Variants in CNIH3 observed in about 807,000 individuals in gnomAD.
The protein encoded by CNIH3 is cornichon family AMPA receptor auxiliary protein 3, also known as protein cornichon homolog 3.
Under a neutral mutation model 24.1 loss-of-function variants are expected in CNIH3, and 14 were observed. That is an observed-to-expected ratio of 0.58 (90% confidence interval 0.38 to 0.91). The LOEUF is 0.91. CNIH3 is among the 40% of genes least tolerant of loss of function. The probability of loss-of-function intolerance (pLI) is 0.00; values close to 1 mark genes in which losing one functional copy is unlikely to be tolerated. For missense variants in CNIH3, 178 were observed against 196.8 expected (o/e 0.90, Z 0.57); for synonymous variants, 68 against 73.8 (o/e 0.92, Z 0.40).
chr1:224,671,155 A>G (rs999644713), intron 1 of CNIH3, among the ~76,000 whole-genome samples: 9 of 152,202 alleles, frequency 5.9e-5, no homozygotes, highest in South Asian at 2.1e-4. Flanking sequence ...GCATAAGCCA[A>G]TTCCTTAAAA....
At chr1:224,531,282 A>C (rs1440570242) in intron 2 of CNIH3, among the ~76,000 whole-genome samples, 1 of 152,148 alleles carries the variant, frequency 6.6e-6, no homozygotes, top group Admixed American at 6.5e-5. Context: ...TGCCCTCATG[A>C]AGCCTGGAAC....
chr1:224,733,997 C>A (rs1196068405), intron 4 of CNIH3, among the ~76,000 whole-genome samples: 1 of 152,226 alleles, frequency 6.6e-6, no homozygotes, highest in Non-Finnish European at 1.5e-5. Context: ...TCTTTCCCAC[C>A]TACGTTCTTT....
At chr1:224,572,173 G>A (rs911858548) in intron 4 of CNIH3, among the ~76,000 whole-genome samples, 3 of 152,152 alleles carry the variant, frequency 2.0e-5, no homozygotes, top group East Asian at 1.9e-4. Flanking sequence ...CTTCTGGTAT[G>A]AGGAAGTCCA....
chr1:224,587,663 G>T (rs1681567240), intron 5 of CNIH3, among the ~76,000 whole-genome samples: 1 of 152,166 alleles, frequency 6.6e-6, no homozygotes, highest in African/African-American at 2.4e-5. Context: ...CACAGGCCGG[G>T]CATAGTGGCT....
chr1:224,467,961 A>G (rs1487502542), intron 1 of CNIH3, among the ~76,000 whole-genome samples: 1 of 150,784 alleles, frequency 6.6e-6, no homozygotes, highest in Non-Finnish European at 1.5e-5. Flanking sequence ...CCTCTATTAA[A>G]TCATGTTTGT....
chr1:224,670,761 C>T (rs1685825650), intron 1 of CNIH3, among the ~76,000 whole-genome samples: 1 of 152,216 alleles, frequency 6.6e-6, no homozygotes, highest in Admixed American at 6.5e-5. Context: ...GCCATTTTCC[C>T]ACCAAGCCCC....
rs943221090 is a variant in CNIH3, at chr1:224,461,829, C to G, written n.203+26967C>G. 3.2e-4 allele frequency among the ~76,000 whole-genome samples: 49 copies of G among 152,172 alleles called. 1 individual carries two copies. Among genetic ancestry groups the G allele is most frequent in the Non-Finnish European group, 1.2e-4 (8 of 68,030 alleles). On this transcript the variant is annotated intron_variant and non_coding_transcript_variant, in intron 1 of 5. Transcript: ENST00000471578. ...CTCCTCCATATGCCTCAGTTGTAGG[C>G]CACTAATCATGTACTTTCTTTTTCT...
chr1:224,583,997 A>G (rs1681387176), intron 5 of CNIH3, among the ~76,000 whole-genome samples: 1 of 152,216 alleles, frequency 6.6e-6, no homozygotes, highest in Non-Finnish European at 1.5e-5. Context: ...TAGCATAGCT[A>G]AGTTCTGCAA....
intron 1 of CNIH3, among the ~76,000 whole-genome samples, chr1:224,503,698 C>A (rs566265323): frequency 6.6e-6 from 1 of 152,252 alleles, no homozygotes; most frequent in African/African-American, 2.4e-5. Context: ...GGTCCTCCCC[C>A]AGGAGAGGCA....
intron 1 of CNIH3, among the ~76,000 whole-genome samples, chr1:224,461,050 T>C (rs1675891809): frequency 6.6e-6 from 1 of 151,662 alleles, no homozygotes; most frequent in Non-Finnish European, 1.5e-5. Context: ...TCACCCAGCC[T>C]GGAGTGCAGT....
chr1:224,699,392 G>A (rs535946062), intron 3 of CNIH3, among the ~76,000 whole-genome samples: 178 of 152,360 alleles, frequency 1.2e-3, no homozygotes, highest in Non-Finnish European at 1.8e-3. Context: ...GCAGCTGAAT[G>A]TCAGCCAGGG....
intron 3 of CNIH3, among the ~76,000 whole-genome samples, chr1:224,701,197 C>CTT (rs758489061): frequency 9.0e-4 from 120 of 133,528 alleles, no homozygotes; most frequent in African/African-American, 3.1e-3. Flanking sequence ...GGCTCGGGTT[C>CTT]TTTTTTTTTT....
chr1:224,457,271 C>CTGTG (rs1355352698), intron 1 of CNIH3, among the ~76,000 whole-genome samples: 226 of 82,252 alleles, frequency 2.7e-3, no homozygotes, highest in South Asian at 0.014. Context: ...CCTCCTCTCT[C>CTGTG]TCTCTGTGTG....
chr1:224,608,339 A>C (rs1044085713), intron 3 of CNIH3, among the ~76,000 whole-genome samples: 4 of 152,166 alleles, frequency 2.6e-5, no homozygotes, highest in African/African-American at 9.7e-5. Flanking sequence ...ACCAAGTTAA[A>C]GAAGGAAGGG....
intron 3 of CNIH3, among the ~76,000 whole-genome samples, chr1:224,549,852 CATGAT>C (rs1015303474): frequency 2.0e-5 from 3 of 151,844 alleles, no homozygotes; most frequent in African/African-American, 7.3e-5. Flanking sequence ...ATATCAGAGC[CATGAT>C]ATTTTATTAA....
downstream of CNIH3, among the ~76,000 whole-genome samples, chr1:224,538,525 G>C (rs1384750462): frequency 1.3e-5 from 2 of 152,036 alleles, no homozygotes; most frequent in South Asian, 2.1e-4. Context: ...CTTTTATTTG[G>C]TGGAGTTTTC....
chr1:224,733,616 TCCC>T (rs753386578), intron 4 of CNIH3, among the ~76,000 whole-genome samples: 2 of 152,196 alleles, frequency 1.3e-5, no homozygotes, highest in African/African-American at 2.4e-5. Context: ...GTGATTAATC[TCCC>T]GGTCGGAGCC....
chr1:224,644,819 T>G (rs767606042), intron 1 of CNIH3, among the ~76,000 whole-genome samples: 1 of 152,186 alleles, frequency 6.6e-6, no homozygotes, highest in Non-Finnish European at 1.5e-5. Flanking sequence ...CCAGAGAGGC[T>G]CAGGCAAATG....
intron 1 of CNIH3, among the ~76,000 whole-genome samples, chr1:224,442,260 C>T (rs902053982): frequency 1.3e-5 from 2 of 152,124 alleles, no homozygotes; most frequent in Non-Finnish European, 1.5e-5. Flanking sequence ...ATTCTCCCGC[C>T]TCAGCTTCCC....
Sources: allele counts gnomAD v4.1 joint callset (sites outside exome capture counted in the v4.1 genomes callset), GRCh38; gene constraint gnomAD v4.1.1; transcripts MANE v1.5; gene names NCBI Gene and HGNC (gene_info 2026-07-23, HGNC 2026-07-21).